JCAD: variants seen among roughly 807,000 people sequenced by gnomAD.
JCAD encodes junctional cadherin 5-associated protein.
In JCAD, 40 loss-of-function variants were observed where a neutral mutation model predicts 98.0. That is an observed-to-expected ratio of 0.41 (90% CI 0.32 to 0.53). The LOEUF is 0.53. JCAD is among the 20% of genes least tolerant of loss of function. The pLI, the probability that JCAD is intolerant of heterozygous loss-of-function variation, is 0.31. For missense variants in JCAD, 1,705 were observed against 1,738.1 expected, an observed-to-expected ratio of 0.98 and a Z score of 0.34; for synonymous variants, 691 against 682.3, an observed-to-expected ratio of 1.01 and a Z score of -0.20.
chr10:30,034,602 A>G (rs975697518), intron 2 of JCAD, among the ~76,000 whole-genome samples: 3 of 152,046 alleles, frequency 2.0e-5, no homozygotes, highest in Non-Finnish European at 2.9e-5. Flanking sequence ...GCCCCTCTGC[A>G]TAGCCCCTTT....
chr10:30,091,103 C>A (rs879239449), intron 1 of JCAD, among the ~76,000 whole-genome samples: 1 of 152,180 alleles, frequency 6.6e-6, no homozygotes, highest in Non-Finnish European at 1.5e-5. Context: ...CCGACTGGTA[C>A]GTTTATGAGA....
rs978736797 is a variant in JCAD, at chr10:30,026,717, G to C, written c.3431C>G (p.Ala1144Gly). 6 of 1,614,084 alleles carry C rather than the reference G, an allele frequency of 3.7e-6. No homozygotes were observed. The highest frequency in any genetic ancestry group is 2.2e-5 in the East Asian group (1 of 44,882). Residue 1144 changes from alanine to glycine, a missense_variant, in exon 3 of 4, where the codon GCC (alanine) becomes GGC (glycine). Coordinates refer to ENST00000375377, the MANE Select transcript of JCAD (RefSeq NM_020848.4). ...GCCGCACTTCCTCCTGCCATAAAAG[G>C]CATCAGTGGACACCCTGGGGACATC... ...PADVPRVSTD[A>G]FYGRRKCGWT...
chr10:30,091,628 A>C (rs1838265779), intron 1 of JCAD, among the ~76,000 whole-genome samples: 1 of 151,988 alleles, frequency 6.6e-6, no homozygotes, highest in South Asian at 2.1e-4. Flanking sequence ...AATTGTTTTA[A>C]ATAAGACAGG....
intron 3 of JCAD, among the ~76,000 whole-genome samples, chr10:30,022,462 C>T (rs987040390): frequency 2.0e-5 from 3 of 152,154 alleles, no homozygotes; most frequent in East Asian, 3.8e-4. Flanking sequence ...AAAGTCCAAG[C>T]GCTTCTCAGT....
At chr10:30,089,551 T>TGTGTGTGTGTGTGTG (rs1838226153) in intron 1 of JCAD, among the ~76,000 whole-genome samples, 2 of 150,852 alleles carry the variant, frequency 1.3e-5, no homozygotes, top group East Asian at 2.0e-4. Flanking sequence ...TGTGTGTGTG[T>TGTGTGTGTGTGTGTG]TTGCTACTAA....
chr10:30,088,505 T>A (rs1030777579), intron 1 of JCAD, among the ~76,000 whole-genome samples: 1 of 152,152 alleles, frequency 6.6e-6, no homozygotes, highest in Non-Finnish European at 1.5e-5. Flanking sequence ...GTTTGGGAGA[T>A]AGCAAGATAA....
In JCAD at chr10:30,042,371, C is replaced by T. The variant is rs190262044; in HGVS notation, c.281+5161G>A. 5.0e-4 allele frequency among the ~76,000 whole-genome samples: 75 copies of T among 150,232 alleles called. 1 individual carries two copies. Among genetic ancestry groups the T allele is most frequent in the African/African-American group, 1.9e-3 (75 of 39,654 alleles). On this transcript the variant is annotated intron_variant, in intron 2 of 3. Transcript: ENST00000375377. ...CCTTGTCCAGCCCCTCCCCTCTGAT[C>T]GGAGCGGGGAGACACCCTAACCCAG...
intron 2 of JCAD, among the ~76,000 whole-genome samples, chr10:30,039,379 C>A (rs1239931629): frequency 1.3e-5 from 2 of 152,256 alleles, no homozygotes; most frequent in African/African-American, 2.4e-5. Context: ...CAACGTGAGG[C>A]CCTTCCCACC....
intron 1 of JCAD, among the ~76,000 whole-genome samples, chr10:30,091,704 A>C (rs1047809357): frequency 1.4e-5 from 2 of 142,376 alleles, no homozygotes; most frequent in African/African-American, 5.2e-5. Context: ...ACTTTGGACT[A>C]AGTTTTTAAA....
At chr10:30,085,367 T>C (rs976090485) in intron 1 of JCAD, among the ~76,000 whole-genome samples, 1 of 152,214 alleles carries the variant, frequency 6.6e-6, no homozygotes, top group Admixed American at 6.5e-5. Flanking sequence ...ATGAGATTCC[T>C]TCTAGCTCAA....
rs576610987 is a variant in JCAD, at chr10:30,110,274, G to C, written n.128+5093C>G. 2.0e-5 allele frequency among the ~76,000 whole-genome samples: 3 copies of C among 151,678 alleles called. No homozygotes were observed. The South Asian group carries it at 6.3e-4, about 32-fold the overall frequency. ...TGGACCCCTGAGGTATGGGCCAGCTGATGTATAGACCAGCTGATGTATGGA... is the reference window on the plus strand; with the variant it reads ...TGGACCCCTGAGGTATGGGCCAGCTCATGTATAGACCAGCTGATGTATGGA... On this transcript the variant is annotated intron_variant and non_coding_transcript_variant, in intron 1 of 2. Transcript: ENST00000465712.
At chr10:30,054,031 C>T (rs1837520496) in intron 1 of JCAD, among the ~76,000 whole-genome samples, 2 of 152,224 alleles carry the variant, frequency 1.3e-5, no homozygotes, top group Non-Finnish European at 2.9e-5. Context: ...CATTGCACCT[C>T]ACCCTGAGCG....
chr10:30,020,326 CAAA>C (rs59762991), intron 3 of JCAD, among the ~76,000 whole-genome samples: 2 of 83,064 alleles, frequency 2.4e-5, no homozygotes, highest in Non-Finnish European at 2.4e-5. Flanking sequence ...GACTCGGTCT[CAAA>C]AAAAAAAAAA....
chr10:30,046,855 G>C (rs1374654664), intron 2 of JCAD, among the ~76,000 whole-genome samples: 1 of 152,210 alleles, frequency 6.6e-6, no homozygotes, highest in African/African-American at 2.4e-5. Flanking sequence ...GCTCTGGGAG[G>C]CTGAGGTGGG....
chr10:30,052,134 T>C (rs955229455), intron 1 of JCAD, among the ~76,000 whole-genome samples: 25 of 152,302 alleles, frequency 1.6e-4, no homozygotes, highest in Admixed American at 9.8e-4. Context: ...ATTATAGAAT[T>C]AGGAAGTTGC....
chr10:30,085,778 T>A (rs1838157721), intron 1 of JCAD, among the ~76,000 whole-genome samples: 1 of 152,206 alleles, frequency 6.6e-6, no homozygotes. Flanking sequence ...TAGTTACCTA[T>A]TCTATTTAAT....
intron 2 of JCAD, among the ~76,000 whole-genome samples, chr10:30,067,326 T>C (rs1219614162): frequency 6.6e-6 from 1 of 151,554 alleles, no homozygotes; most frequent in Non-Finnish European, 1.5e-5. Flanking sequence ...ACCTTTTTTC[T>C]GTTTTTTTTT....
At chr10:30,062,705 A>G (rs529706738), upstream of JCAD, among the ~76,000 whole-genome samples, 1 of 152,328 alleles carries the variant, frequency 6.6e-6, no homozygotes, top group South Asian at 2.1e-4. Flanking sequence ...GCAAGAGGGC[A>G]TGTGCAGGAG....
upstream of JCAD, among the ~76,000 whole-genome samples, chr10:30,063,010 C>T (rs534821919): frequency 6.6e-5 from 10 of 152,256 alleles, no homozygotes; most frequent in South Asian, 1.5e-3. Context: ...CACCGGTCAC[C>T]AGTACATGGA....
Sources: allele counts gnomAD v4.1 joint callset (sites outside exome capture counted in the v4.1 genomes callset), GRCh38; gene constraint gnomAD v4.1.1; transcripts MANE v1.5; gene names NCBI Gene and HGNC (gene_info 2026-07-23, HGNC 2026-07-21).